The following NELFCD variants were observed in gnomAD, a reference collection of about 807,000 sequenced individuals.
NELFCD encodes negative elongation factor C/D.
In NELFCD, 48 loss-of-function variants were observed where a neutral mutation model predicts 72.9. The ratio of observed to expected loss-of-function variants is 0.66; its 90% CI spans 0.52 to 0.84. The LOEUF (loss-of-function observed/expected upper bound fraction) is 0.84. Among genes scored for constraint, NELFCD ranks in the 40% least tolerant of loss-of-function variants. The pLI, the probability that NELFCD is intolerant of heterozygous loss-of-function variation, is 0.00. For missense variants in NELFCD, 538 were observed against 723.8 expected (o/e 0.74, Z 2.94); for synonymous variants, 297 against 280.6 (o/e 1.06, Z -0.59).
At chr20:58,981,697 C>T (rs1462008564) in intron 1 of NELFCD, among the ~76,000 whole-genome samples, 3 of 151,702 alleles carry the variant, frequency 2.0e-5, no homozygotes, top group East Asian at 1.9e-4. Context: ...GGCCCTGCGA[C>T]CCCCGCGGCG....
At chr20:58,987,262 A>G in intron 3 of NELFCD, 1 of 253,402 alleles carries the variant, frequency 3.9e-6, no homozygotes. Context: ...GTAGAGTCTT[A>G]CTGTAAATCC....
At position 58,988,957 on chromosome 20, in the gene NELFCD, G is replaced by T; in HGVS notation, c.440G>T (p.Arg147Leu). The T allele has an allele frequency of 6.2e-7, 1 of 1,614,124 alleles. No individual in the cohort carries two copies. The highest frequency in any genetic ancestry group is 1.1e-5 in the South Asian group (1 of 91,074). ...CAGATGATTGCACATACCACGTGGC[G>T]GGACCTTTTTTATAAACTGGCTGAA... ...LEQMIAHTTW[R>L]DLFYKLAEAH... Residue 147 changes from arginine (R) to leucine (L), a missense_variant, in exon 5 of 15, where the codon CGG becomes CTG. Around this residue, in one of 3 missense-constraint regions of NELFCD, gnomAD observed 355 missense variants for 534.5 expected, o/e 0.66. Coordinates refer to ENST00000652272, the MANE Select transcript of NELFCD (RefSeq NM_198976.4).
rs200807638 is a variant in NELFCD, at chr20:58,993,067, G to A, written c.1299G>A (p.Gln433=). The change falls in exon 11 of 15, where the codon CAG becomes CAA. Residue 433 remains glutamine (Q), a synonymous_variant. Transcript: ENST00000652272. The surrounding 1 kb of genome is among the most constrained non-coding windows in gnomAD (Gnocchi z 5.0). ...CTGTATCAGAACCAAGGTACTTTCAGCTGCAGACTGACCATACCCCTGTCC... is the reference window on the plus strand; with the variant it reads ...CTGTATCAGAACCAAGGTACTTTCAACTGCAGACTGACCATACCCCTGTCC... ...DWTVSEPRYF[Q]LQTDHTPVHL... The A allele has an allele frequency of 8.1e-6, 13 of 1,614,188 alleles. No individual in the cohort carries two copies. The African/African-American group carries it at 1.7e-4, about 22-fold the overall frequency.
intron 6 of NELFCD, 65 bp downstream of exon 6, chr20:58,989,705 T>C (rs2091799989): frequency 6.2e-7 from 1 of 1,610,082 alleles, no homozygotes. Context: ...TTTTCAAGCA[T>C]GAGATGCTCC....
At chr20:58,987,652 A>C in intron 3 of NELFCD, 56 bp from the exon 4 acceptor site, 2 of 1,423,130 alleles carry the variant, frequency 1.4e-6, no homozygotes, top group Non-Finnish European at 2.0e-6. Flanking sequence ...TGCTTTCTAA[A>C]GCCACACAGT....
rs2091829985 is a variant in NELFCD, at chr20:58,993,159, T to C, written c.1344+47T>C. The C allele has an allele frequency of 2.2e-5, 30 of 1,383,708 alleles. No homozygotes were observed. The highest frequency in any genetic ancestry group is 3.4e-5 in the Admixed American group (2 of 59,466). The allele number at this position is 1,383,708 out of a possible 1,614,324, so 85.7% of individuals were successfully genotyped here. A position where few individuals can be genotyped will look rare whatever the true frequency, so the allele number is the denominator to read the frequency against. ...CACAGCCTACACAGTGTCTGTCTCA[T>C]GCTGTTTACGTTGGCATTAACATTG... On this transcript the variant is annotated intron_variant, in intron 11 of 14. Coordinates refer to ENST00000652272, the MANE Select transcript of NELFCD (RefSeq NM_198976.4). The surrounding 1 kb of genome is among the most constrained non-coding windows in gnomAD (Gnocchi z 5.0).
intron 9 of NELFCD, 64 bp from the exon 10 acceptor site, chr20:58,991,817 A>G (rs955322909): frequency 1.3e-6 from 2 of 1,578,956 alleles, no homozygotes; most frequent in African/African-American, 2.7e-5. Flanking sequence ...GGCCGACACC[A>G]GAACACCCCG....
intron 10 of NELFCD, among the ~76,000 whole-genome samples, chr20:58,992,750 G>A (rs2091826457): frequency 6.6e-6 from 1 of 151,674 alleles, no homozygotes; most frequent in South Asian, 2.1e-4. Flanking sequence ...AGCTAGACAT[G>A]GTGGCACTCA....
At chr20:58,981,475 C>A in intron 1 of NELFCD, 106 bp downstream of exon 1, 1 of 345,444 alleles carries the variant, frequency 2.9e-6, no homozygotes, top group Non-Finnish European at 4.2e-6. Context: ...TGCGGGCGTG[C>A]GGGGGGTGTG....
Position 58,991,033 on chromosome 20 carries a change from G to A in NELFCD, c.912G>A (p.Leu304=), listed in dbSNP as rs1037847197. ...TGAACCCTGCTGACATCACCGTCCT[G>A]TTCAAGATGTTCACAAGCATGGACC... ...GALNPADITV[L]FKMFTSMDPP... Residue 304 remains leucine, a synonymous_variant, in exon 8 of 15, where the codon CTG becomes CTA. Transcript: ENST00000652272. 6.2e-7 allele frequency: 1 copy of A among 1,614,158 alleles called. No individual in the cohort carries two copies. Among genetic ancestry groups the A allele is most frequent in the Non-Finnish European group, 8.5e-7 (1 of 1,180,020 alleles).
At position 58,987,686 on chromosome 20, in the gene NELFCD, A is replaced by G. The variant is rs376406991; in HGVS notation, c.287-22A>G. ...GTGAATGGACAGCTTGCCATTGTCT[A>G]GTTGCTTTTATTCTCTTTCAGGTGT... On this transcript the variant is annotated intron_variant, in intron 3 of 14. Coordinates refer to ENST00000652272, the MANE Select transcript of NELFCD (RefSeq NM_198976.4). 6 of 1,588,950 alleles carry G rather than the reference A, an allele frequency of 3.8e-6. No individual in the cohort carries two copies. In the African/African-American group the frequency reaches 8.1e-5, roughly 21 times the overall value.
In NELFCD at chr20:58,981,344, G is replaced by T; in HGVS notation, c.35G>T (p.Trp12Leu). The T allele has an allele frequency of 9.0e-7, 1 of 1,111,648 alleles. No homozygotes were observed. Among genetic ancestry groups the T allele is most frequent in the South Asian group, 3.7e-5 (1 of 26,940 alleles). 68.9% of individuals were successfully genotyped at this position (1,111,648 alleles called of 1,614,324 possible). A position where few individuals can be genotyped will look rare whatever the true frequency, so the allele number is the denominator to read the frequency against. Reference protein sequence around the residue: ...DEDYYGSAAEWGDEADGGQQE... With the variant: ...DEDYYGSAAELGDEADGGQQE... Reference sequence around the variant, plus strand: ...GACTACTACGGGAGCGCGGCCGAGTGGGGCGACGAGGCTGACGGCGGCCAG... The same window carrying T: ...GACTACTACGGGAGCGCGGCCGAGTTGGGCGACGAGGCTGACGGCGGCCAG... Residue 12 changes from tryptophan (W) to leucine (L), a missense_variant, in exon 1 of 15, where the codon TGG becomes TTG. Coordinates refer to ENST00000652272, the MANE Select transcript of NELFCD (RefSeq NM_198976.4).
intron 10 of NELFCD, among the ~76,000 whole-genome samples, chr20:58,992,674 TAGTTTGAG>T (rs2091825806): frequency 3.9e-5 from 6 of 151,978 alleles, no homozygotes; most frequent in African/African-American, 1.4e-4. Flanking sequence ...GGCAAGAAAA[TAGTTTGAG>T]CCCAGGAGTT....
At chr20:58,989,076 T>C in intron 5 of NELFCD, 55 bp downstream of exon 5, 1 of 1,350,986 alleles carries the variant, frequency 7.4e-7, no homozygotes, top group Non-Finnish European at 1.1e-6. Context: ...TTATTTTTGG[T>C]TGTTGGTCTG....
Position 58,993,888 on chromosome 20 carries a change from A to G in NELFCD, c.1581+124A>G. The G allele has an allele frequency of 2.4e-6, 3 of 1,255,916 alleles. No individual in the cohort carries two copies. The highest frequency in any genetic ancestry group is 2.2e-6 in the Non-Finnish European group (2 of 892,118). The allele number at this position is 1,255,916 out of a possible 1,614,324, so 77.8% of individuals were successfully genotyped here. ...GCTTTCTGATGTAGTGATGACAATG[A>G]CAGATACTCGTTTACCAAAAAGCAC... On this transcript the variant is annotated intron_variant, in intron 13 of 14. Coordinates refer to ENST00000652272, the MANE Select transcript of NELFCD (RefSeq NM_198976.4). This position sits in a 1 kb window ranked among gnomAD's most constrained non-coding sequence, Gnocchi z 5.0.
At chr20:58,981,760 T>C (rs945322496) in intron 1 of NELFCD, among the ~76,000 whole-genome samples, 3 of 152,104 alleles carry the variant, frequency 2.0e-5, no homozygotes, top group African/African-American at 7.2e-5. Context: ...CACAGACTTT[T>C]AAACAAAAAT....
chr20:58,992,168 T>G (rs1424672090), intron 10 of NELFCD, 148 bp downstream of exon 10: 4 of 773,628 alleles, frequency 5.2e-6, no homozygotes, highest in Non-Finnish European at 7.9e-6. Flanking sequence ...GTAGGGAACT[T>G]TAAACAGCTT....
rs757733941 is a variant in NELFCD at position 58,989,916 on chromosome 20, TG to T, written c.718del (p.Ala240ProfsTer33). 2.5e-6 allele frequency: 4 copies of T among 1,614,210 alleles called. No homozygotes were observed. The highest frequency in any genetic ancestry group is 3.4e-6 in the Non-Finnish European group (4 of 1,180,036). On this transcript the variant is annotated frameshift_variant, in exon 7 of 15. Transcript: ENST00000652272. LOFTEE classifies it high-confidence loss of function. Reference sequence around the variant, plus strand: ...TTTGCCCAGGCCATGATGTCCGTGCTGGCCCAGGAGGAGCAGGGGGGCTCCG... The same window carrying T: ...TTTGCCCAGGCCATGATGTCCGTGCTGCCCAGGAGGAGCAGGGGGGCTCCG... ...YLFAQAMMSV[L>X]AQEEQGGSAV... is the part of the protein sequence containing the mutation.
At chr20:58,990,095 G>A (rs1197914232) in intron 7 of NELFCD, 107 bp downstream of exon 7, 18 of 1,458,356 alleles carry the variant, frequency 1.2e-5, no homozygotes, top group Middle Eastern at 2.5e-4. Context: ...TCTGTTCAAC[G>A]TAGAGGTAAA....
Sources: allele counts gnomAD v4.1 joint callset (sites outside exome capture counted in the v4.1 genomes callset), GRCh38; gene constraint gnomAD v4.1.1; regional missense constraint gnomAD v4.1.1; non-coding constraint Gnocchi (gnomAD v3.1); transcripts MANE v1.5; gene names NCBI Gene and HGNC (gene_info 2026-07-23, HGNC 2026-07-21).